Variants in MBP observed in about 807,000 individuals in gnomAD.
MBP encodes Golli-MBP.
A neutral mutation model predicts 35.8 loss-of-function variants in MBP; 16 were observed. The observed-to-expected ratio is 0.45, with a 90% CI of 0.30 to 0.68. The LOEUF is 0.68. Among genes scored for constraint, MBP ranks in the 30% least tolerant of loss-of-function variants. MBP has a pLI of 0.08. For synonymous variants in MBP, 143 were observed against 159.6 expected (o/e 0.90, Z 0.78); for missense variants, 380 against 404.7 (o/e 0.94, Z 0.52).
At chr18:77,039,971 A>G (rs1972920903) in intron 3 of MBP, among the ~76,000 whole-genome samples, 2 of 152,210 alleles carry the variant, frequency 1.3e-5, no homozygotes, top group Admixed American at 1.3e-4. Context: ...ATGACTGCGC[A>G]TGCACTTGGT....
At chr18:77,099,839 G>A (rs115312719) in intron 2 of MBP, among the ~76,000 whole-genome samples, 209 of 152,350 alleles carry the variant, frequency 1.4e-3, no homozygotes, top group African/African-American at 4.9e-3. Context: ...AAGGAACCTT[G>A]CACAGGAAGG....
intron 1 of MBP, among the ~76,000 whole-genome samples, chr18:77,128,284 G>A (rs1236073628): frequency 2.0e-5 from 3 of 152,156 alleles, no homozygotes; most frequent in Non-Finnish European, 2.9e-5. Context: ...AGCCAGTCTC[G>A]AAAGGTTGCA....
chr18:77,018,335 T>C (rs1190365558), intron 3 of MBP, among the ~76,000 whole-genome samples: 2 of 127,786 alleles, frequency 1.6e-5, no homozygotes, highest in Non-Finnish European at 3.6e-5. Context: ...TACTCATCCA[T>C]CCATCTATCC....
chr18:77,040,581 A>G (rs1401741320), intron 3 of MBP, among the ~76,000 whole-genome samples: 4 of 152,222 alleles, frequency 2.6e-5, no homozygotes, highest in Non-Finnish European at 5.9e-5. Flanking sequence ...ACCACAACAG[A>G]TATGTAGACC....
intron 3 of MBP, among the ~76,000 whole-genome samples, chr18:77,061,544 G>A (rs1047265812): frequency 6.6e-6 from 1 of 152,166 alleles, no homozygotes; most frequent in Non-Finnish European, 1.5e-5. Flanking sequence ...CTAAAAGGTG[G>A]TAGGGCTCTA....
At chr18:77,093,505 T>C (rs528151994) in intron 2 of MBP, 3 of 152,270 alleles carry the variant, frequency 2.0e-5, no homozygotes, top group African/African-American at 7.2e-5. Context: ...AACAAAGGGA[T>C]TTTAACAAAG....
In MBP at chr18:76,980,571, G is replaced by A. The variant is rs187126799; in HGVS notation, c.871-100C>T. The A allele has an allele frequency of 7.4e-4, 654 of 881,778 alleles. 1 individual carries two copies. Among genetic ancestry groups the A allele is most frequent in the Non-Finnish European group, 1.1e-3 (588 of 525,552 alleles). The allele number at this position is 881,778 out of a possible 1,614,324, so 54.6% of individuals were successfully genotyped here. ...TCCCGGGTGGATGCTGAGCCATTGG[G>A]TGTCTCTCTCATCTGCTAATAGAAA... On this transcript the variant is annotated intron_variant, in intron 8 of 8. Coordinates refer to ENST00000355994, the MANE Select transcript of MBP (RefSeq NM_001025101.2).
chr18:77,114,077 C>T (rs80078745), intron 1 of MBP: 5,320 of 152,312 alleles, frequency 0.035, 123 homozygotes, highest in Non-Finnish European at 0.051. Flanking sequence ...AAGGAAGTAG[C>T]GTCTCTATTT....
chr18:77,015,934 G>T (rs75064842), intron 4 of MBP: 1 of 985,424 alleles, frequency 1.0e-6, no homozygotes, highest in Non-Finnish European at 1.2e-6. Context: ...CATCTTACAG[G>T]TTGTGTGAGA....
At chr18:77,083,256 C>G (rs1975052224) in intron 2 of MBP, among the ~76,000 whole-genome samples, 2 of 152,206 alleles carry the variant, frequency 1.3e-5, no homozygotes. Context: ...CGTGAGCCAT[C>G]ATGCCCCACC....
intron 3 of MBP, among the ~76,000 whole-genome samples, chr18:77,054,604 C>T (rs190230384): frequency 2.1e-4 from 32 of 152,324 alleles, no homozygotes; most frequent in Admixed American, 3.3e-4. Context: ...GGGAGAGGTG[C>T]TTGCTAAGTA....
intron 7 of MBP, chr18:76,987,100 C>G: frequency 1.0e-6 from 1 of 985,490 alleles, no homozygotes; most frequent in Non-Finnish European, 1.2e-6. Flanking sequence ...ATGCAAGGGT[C>G]TTTCTTGTTA....
chr18:77,033,159 G>T (rs1972603495), intron 3 of MBP, among the ~76,000 whole-genome samples: 1 of 151,936 alleles, frequency 6.6e-6, no homozygotes, highest in Non-Finnish European at 1.5e-5. Context: ...GTAGAGATGG[G>T]GTTTTGCCAC....
At chr18:77,027,109 A>G (rs905677486) in intron 3 of MBP, among the ~76,000 whole-genome samples, 7 of 152,166 alleles carry the variant, frequency 4.6e-5, no homozygotes, top group Non-Finnish European at 8.8e-5. Context: ...GGCCAGTAAA[A>G]TAGGAAAAGT....
intron 3 of MBP, among the ~76,000 whole-genome samples, chr18:77,060,817 G>A (rs1973948289): frequency 6.6e-6 from 1 of 152,278 alleles, no homozygotes; most frequent in Non-Finnish European, 1.5e-5. Context: ...GTTTTCTGGA[G>A]GAGGAAACAG....
chr18:76,985,107 A>C, intron 7 of MBP: 1 of 1,528,394 alleles, frequency 6.5e-7, no homozygotes, highest in Non-Finnish European at 8.8e-7. Context: ...CCGCAGAGAG[A>C]GGAGGGCTCT....
intron 2 of MBP, among the ~76,000 whole-genome samples, chr18:77,084,763 A>T (rs996176782): frequency 6.6e-6 from 1 of 152,192 alleles, no homozygotes; most frequent in Non-Finnish European, 1.5e-5. Flanking sequence ...TTATTTAAAC[A>T]CTGTCTTCTA....
chr18:77,110,340 A>T (rs2145159977), intron 1 of MBP: 1 of 152,324 alleles, frequency 6.6e-6, no homozygotes, highest in Middle Eastern at 3.4e-3. Context: ...GCACCTGAGA[A>T]CTTCTTAGAA....
chr18:77,069,512 G>A (rs977031533), intron 2 of MBP, among the ~76,000 whole-genome samples: 5 of 152,158 alleles, frequency 3.3e-5, no homozygotes, highest in Admixed American at 3.3e-4. Flanking sequence ...CTCCAAGCGG[G>A]ACACCACTAG....
Sources: gnomAD v4.1 joint callset for allele counts (sites outside exome capture counted in the v4.1 genomes callset) on GRCh38, gnomAD v4.1.1 for gene constraint, MANE v1.5 for transcripts, NCBI Gene and HGNC (gene_info 2026-07-23, HGNC 2026-07-21) for gene names.